The following CELSR3 variants were observed in gnomAD, a reference collection of about 807,000 sequenced individuals.
The protein encoded by CELSR3 is cadherin EGF LAG seven-pass G-type receptor 3, also known as EGF-like protein 1.
A neutral mutation model predicts 270.0 loss-of-function variants in CELSR3; 73 were observed. The ratio of observed to expected loss-of-function variants is 0.27; its 90% CI spans 0.22 to 0.33. The LOEUF is 0.33. CELSR3 is among the 10% of genes least tolerant of loss of function. The pLI, the probability that CELSR3 is intolerant of heterozygous loss-of-function variation, is 1.00. For missense variants in CELSR3, 3,614 were observed against 4,533.8 expected (o/e 0.80, Z 5.83); for synonymous variants, 1,780 against 1,905.4 (o/e 0.93, Z 1.71).
At position 48,656,988 on chromosome 3, in the gene CELSR3, T is replaced by G; in HGVS notation, c.4109A>C (p.Asp1370Ala). 6.2e-7 allele frequency: 1 copy of G among 1,612,910 alleles called. No individual in the cohort carries two copies. Among genetic ancestry groups the G allele is most frequent in the Non-Finnish European group, 8.5e-7 (1 of 1,179,574 alleles). The change falls in exon 2 of 35, where the codon GAC becomes GCC. Residue 1370 changes from aspartate (D) to alanine (A), a missense_variant. Physicochemically the swap from Asp to Ala is moderately radical, Grantham distance 126. Transcript: ENST00000164024. ...CACGTTGTCGTCGAAGGGCAGTACG[T>G]CGAGCAGGGAGCGAGCCGCCAGCGC... ...RAALAARSLL[D>A]VLPFDDNVCL...
In CELSR3 at chr3:48,659,232, G is replaced by A. The variant is rs769110092; in HGVS notation, c.3403C>T (p.Arg1135Cys). Residue 1135 changes from arginine (R) to cysteine (C), a missense_variant, in exon 1 of 35, where the codon CGC (arginine) becomes TGC (cysteine). Transcript: ENST00000164024. The surrounding 1 kb of genome is among the most constrained non-coding windows in gnomAD (Gnocchi z 8.1). The part of the protein sequence containing the change: ...TALIDLDYEA[R>C]QEYVIVVQAT... ...TGCACCACAATCACATATTCTTGGCGAGCCTCATAGTCTAGGTCAATGAGT... is the reference window on the plus strand; with the variant it reads ...TGCACCACAATCACATATTCTTGGCAAGCCTCATAGTCTAGGTCAATGAGT... The A allele has an allele frequency of 1.7e-5, 28 of 1,614,124 alleles. No individual in the cohort carries two copies. The highest frequency in any genetic ancestry group is 5.5e-5 in the South Asian group (5 of 91,066).
chr3:48,659,382 C>G lies in CELSR3; in HGVS notation c.3253G>C (p.Val1085Leu). The G allele has an allele frequency of 6.2e-7, 1 of 1,614,224 alleles. No individual in the cohort carries two copies. The change falls in exon 1 of 35, where the codon GTG (valine) becomes CTG (leucine). Residue 1085 changes from valine to leucine, a missense_variant. Around this residue, in one of 7 missense-constraint regions of CELSR3, gnomAD observed 1,331 missense variants for 1,933.7 expected, o/e 0.69. Coordinates refer to ENST00000164024, the MANE Select transcript of CELSR3 (RefSeq NM_001407.3). The surrounding 1 kb of genome is among the most constrained non-coding windows in gnomAD (Gnocchi z 8.1). ...TCCACTGCAGTGATCTGGGCCACCA[C>G]TGAGCCCACAATGCTATTCTCTTTC... ...RVKENSIVGS[V>L]VAQITAVDPD...
At position 48,650,776 on chromosome 3, in the gene CELSR3, G is replaced by T; in HGVS notation, c.6370+116C>A. ...AAGGTAGGGTTCCCTGGGTGTAAGT[G>T]GTCTCCCTCAGGAGAAGCTTCCAGA... is the stretch of plus-strand genomic sequence containing the variant. On this transcript the variant is annotated intron_variant, in intron 15 of 34. Coordinates refer to ENST00000164024, the MANE Select transcript of CELSR3 (RefSeq NM_001407.3). The surrounding 1 kb of genome is among the most constrained non-coding windows in gnomAD (Gnocchi z 5.1). The T allele has an allele frequency of 8.3e-7, 1 of 1,210,830 alleles. No individual in the cohort carries two copies. Among genetic ancestry groups the T allele is most frequent in the Non-Finnish European group, 1.2e-6 (1 of 868,208 alleles). 75.0% of individuals were successfully genotyped at this position (1,210,830 alleles called of 1,614,324 possible). A position where few individuals can be genotyped will look rare whatever the true frequency, so the allele number is the denominator to read the frequency against.
rs1378676050 is a variant in CELSR3 at position 48,645,598 on chromosome 3, C to A, written c.7642G>T (p.Ala2548Ser). ...LLAVFTHVVV[A>S]VSVAALVLTA... ...AGCACCAGCGCAGCCACAGACACAGCCACGACCACGTGGGTGAACACAGCC... is the reference window on the plus strand; with the variant it reads ...AGCACCAGCGCAGCCACAGACACAGACACGACCACGTGGGTGAACACAGCC... Residue 2548 changes from alanine to serine, a missense_variant, in exon 24 of 35, where the codon GCT (alanine) becomes TCT (serine). Coordinates refer to ENST00000164024, the MANE Select transcript of CELSR3 (RefSeq NM_001407.3). This position sits in a 1 kb window ranked among gnomAD's most constrained non-coding sequence, Gnocchi z 5.4. 1.2e-6 allele frequency: 2 copies of A among 1,612,356 alleles called. No homozygotes were observed. The highest frequency in any genetic ancestry group is 1.7e-6 in the Non-Finnish European group (2 of 1,179,688).
At position 48,655,846 on chromosome 3, in the gene CELSR3, G is replaced by A. The variant is rs1324677724; in HGVS notation, c.4631C>T (p.Ala1544Val). 11 of 1,002,340 alleles carry A rather than the reference G, an allele frequency of 1.1e-5. No homozygotes were observed. Among genetic ancestry groups the A allele is most frequent in the Middle Eastern group, 5.4e-4 (2 of 3,738 alleles). 62.1% of individuals were successfully genotyped at this position (1,002,340 alleles called of 1,614,324 possible). A position where few individuals can be genotyped will look rare whatever the true frequency, so the allele number is the denominator to read the frequency against. ...GAGCAGCCCGCTCTGCTGCACTGTC[G>A]CGAACCTGGGCGGGGTGGGAGGGGG... ...RFHLTLSLSFATVQQSGLLFY... is the reference protein window; with the variant it reads ...RFHLTLSLSFVTVQQSGLLFY... The change falls in exon 4 of 35, where the codon GCG (alanine) becomes GTG (valine). Residue 1544 changes from alanine (A) to valine (V), a missense_variant. By Grantham distance (64) the Ala-to-Val change is moderately conservative. Transcript: ENST00000164024. The surrounding 1 kb of genome is among the most constrained non-coding windows in gnomAD (Gnocchi z 5.8).
At chr3:48,656,414 G>T in intron 2 of CELSR3, 49 bp from the exon 3 acceptor site, 2 of 1,377,814 alleles carry the variant, frequency 1.5e-6, no homozygotes, top group Non-Finnish European at 1.9e-6. Context: ...GCCCGCCCCT[G>T]CTCCGGCCCC....
Position 48,650,855 on chromosome 3 carries a change from A to G in CELSR3, c.6370+37T>C. 6.3e-7 allele frequency: 1 copy of G among 1,595,288 alleles called. No homozygotes were observed. Among genetic ancestry groups the G allele is most frequent in the South Asian group, 1.1e-5 (1 of 88,928 alleles). On this transcript the variant is annotated intron_variant, in intron 15 of 34. Coordinates refer to ENST00000164024, the MANE Select transcript of CELSR3 (RefSeq NM_001407.3). This position sits in a 1 kb window ranked among gnomAD's most constrained non-coding sequence, Gnocchi z 5.1. Reference sequence around the variant, plus strand: ...CACGTGATGGTGGCACACTGGAACCAGCCCTCTATGGGTGGAGCTGGGTGG... The same window carrying G: ...CACGTGATGGTGGCACACTGGAACCGGCCCTCTATGGGTGGAGCTGGGTGG...
In CELSR3 at chr3:48,644,646, G is replaced by A; in HGVS notation, c.8085+70C>T. Reference sequence around the variant, plus strand: ...GAATGCCACCTGACCGCCCTCAGCTGAGTCCACTGCACCTCCTCCCCCAAT... The same window carrying A: ...GAATGCCACCTGACCGCCCTCAGCTAAGTCCACTGCACCTCCTCCCCCAAT... On this transcript the variant is annotated intron_variant, in intron 26 of 34. Transcript: ENST00000164024. This position sits in a 1 kb window ranked among gnomAD's most constrained non-coding sequence, Gnocchi z 4.8. 1 of 1,274,224 alleles carries A rather than the reference G, an allele frequency of 7.8e-7. No homozygotes were observed. The highest frequency in any genetic ancestry group is 2.4e-5 in the East Asian group (1 of 41,548). 78.9% of individuals were successfully genotyped at this position (1,274,224 alleles called of 1,614,324 possible).
At chr3:48,643,123 C>G in intron 28 of CELSR3, 40 bp from the exon 29 acceptor site, 1 of 1,328,472 alleles carries the variant, frequency 7.5e-7, no homozygotes, top group South Asian at 1.2e-5. Flanking sequence ...CGGCAGGGAT[C>G]AATCAGGGAC....
rs1190424338 is a variant in CELSR3, at chr3:48,639,853, G to A, written c.9732C>T (p.Asp3244=). 6.2e-7 allele frequency: 1 copy of A among 1,613,780 alleles called. No individual in the cohort carries two copies. Among genetic ancestry groups the A allele is most frequent in the African/African-American group, 1.3e-5 (1 of 75,070 alleles). The change falls in exon 34 of 35, where the codon GAC becomes GAT. Residue 3244 remains aspartate (D), a synonymous_variant. Coordinates refer to ENST00000164024, the MANE Select transcript of CELSR3 (RefSeq NM_001407.3). This position sits in a 1 kb window ranked among gnomAD's most constrained non-coding sequence, Gnocchi z 4.1. ...PSHGPSTEQL[D]ILSSILASFN... ...AAGAGGCAAGGATGGAGGAAAGAAT[G>A]TCCAACTGTTCTGTGGAGGGGCCAT... is the stretch of plus-strand genomic sequence containing the variant.
chr3:48,647,860 T>C lies in CELSR3; in HGVS notation c.7110A>G (p.Pro2370=). ...TCTCACCTTCAGATGGGGATGGCCG[T>C]GGGGACTGGGAAGGCAGCAGCACAT... is the stretch of plus-strand genomic sequence containing the variant. ...HTHVLLPSQS[P]RPSPSEVLPT... The change falls in exon 20 of 35, where the codon CCA becomes CCG. Residue 2370 remains proline, a synonymous_variant. Coordinates refer to ENST00000164024, the MANE Select transcript of CELSR3 (RefSeq NM_001407.3). The C allele has an allele frequency of 6.2e-7, 1 of 1,610,424 alleles. No individual in the cohort carries two copies. Among genetic ancestry groups the C allele is most frequent in the Admixed American group, 1.7e-5 (1 of 59,942 alleles).
intron 27 of CELSR3, 50 bp from the exon 28 acceptor site, chr3:48,643,727 G>C: frequency 6.5e-7 from 1 of 1,544,080 alleles, no homozygotes; most frequent in South Asian, 1.2e-5. Flanking sequence ...GGCTCATGTA[G>C]GACTCATGCA....
rs1229811752 is a variant in CELSR3 at position 48,653,823 on chromosome 3, G to A, written c.5279-35C>T. ...TAAGAGAAACAGGGTTACAGCCCCT[G>A]CCCCAGGAACAGATCTGACCCTGCA... is the stretch of plus-strand genomic sequence containing the variant. On this transcript the variant is annotated intron_variant, in intron 8 of 34. Transcript: ENST00000164024. The surrounding 1 kb of genome is among the most constrained non-coding windows in gnomAD (Gnocchi z 6.5). The A allele has an allele frequency of 3.7e-6, 6 of 1,612,558 alleles. No individual in the cohort carries two copies. The highest frequency in any genetic ancestry group is 5.1e-6 in the Non-Finnish European group (6 of 1,178,760).
At position 48,646,984 on chromosome 3, in the gene CELSR3, C is replaced by CG; in HGVS notation, c.7130-57_7130-56insC. 1 of 1,443,276 alleles carries CG rather than the reference C, an allele frequency of 6.9e-7. No individual in the cohort carries two copies. The highest frequency in any genetic ancestry group is 1.5e-5 in the African/African-American group (1 of 67,692). 89.4% of individuals were successfully genotyped at this position (1,443,276 alleles called of 1,614,324 possible). A position where few individuals can be genotyped will look rare whatever the true frequency, so the allele number is the denominator to read the frequency against. On this transcript the variant is annotated intron_variant, in intron 20 of 34. Transcript: ENST00000164024. This position sits in a 1 kb window ranked among gnomAD's most constrained non-coding sequence, Gnocchi z 4.8. ...GTGACCTTTGACCCAAAGCACCCAC[C>CG]AACCCAGCTCTGAACCCGATCAAGC...
chr3:48,646,679 G>A lies in CELSR3; in HGVS notation c.7295+84C>T. The A allele has an allele frequency of 4.4e-6, 6 of 1,369,424 alleles. No homozygotes were observed. Among genetic ancestry groups the A allele is most frequent in the Admixed American group, 2.2e-5 (1 of 46,346 alleles). The allele number at this position is 1,369,424 out of a possible 1,614,324, so 84.8% of individuals were successfully genotyped here. A position where few individuals can be genotyped will look rare whatever the true frequency, so the allele number is the denominator to read the frequency against. On this transcript the variant is annotated intron_variant, in intron 21 of 34. Coordinates refer to ENST00000164024, the MANE Select transcript of CELSR3 (RefSeq NM_001407.3). The surrounding 1 kb of genome is among the most constrained non-coding windows in gnomAD (Gnocchi z 4.8). The stretch of plus-strand genomic sequence containing the variant: ...GGAGCTGTGCTCCTCTCTGTGTGTT[G>A]TGAACCTACGCATCTACCCACCAAA...
At position 48,639,266 on chromosome 3, in the gene CELSR3, C is replaced by T. The variant is rs1429429425; in HGVS notation, c.9911+408G>A. Among the ~76,000 whole-genome samples the T allele has an allele frequency of 2.0e-5, 3 of 152,216 alleles. No individual in the cohort carries two copies. The highest frequency in any genetic ancestry group is 4.8e-5 in the African/African-American group (2 of 41,460). ...GGTATATCCTGGCACCACTTCCAGCCTCTCCTTGTCCTATATGACCCCCTA... is the reference window on the plus strand; with the variant it reads ...GGTATATCCTGGCACCACTTCCAGCTTCTCCTTGTCCTATATGACCCCCTA... On this transcript the variant is annotated intron_variant, in intron 34 of 34. Coordinates refer to ENST00000164024, the MANE Select transcript of CELSR3 (RefSeq NM_001407.3). This position sits in a 1 kb window ranked among gnomAD's most constrained non-coding sequence, Gnocchi z 4.1.
In CELSR3 at chr3:48,654,957, G is replaced by C; in HGVS notation, c.4988+87C>G. The C allele has an allele frequency of 6.7e-6, 9 of 1,342,906 alleles. No homozygotes were observed. The highest frequency in any genetic ancestry group is 9.6e-6 in the Non-Finnish European group (9 of 939,872). 83.2% of individuals were successfully genotyped at this position (1,342,906 alleles called of 1,614,324 possible). ...TTTGGGGGAAAGATGGGAGAGTTTGGCAGGATGGGATGAGGAATGGGATGT... is the reference window on the plus strand; with the variant it reads ...TTTGGGGGAAAGATGGGAGAGTTTGCCAGGATGGGATGAGGAATGGGATGT... On this transcript the variant is annotated intron_variant, in intron 6 of 34. Transcript: ENST00000164024. This position sits in a 1 kb window ranked among gnomAD's most constrained non-coding sequence, Gnocchi z 5.4.
rs1295831625 is a variant in CELSR3 at position 48,643,550 on chromosome 3, T to G, written c.8289+4A>C. The G allele has an allele frequency of 8.4e-6, 13 of 1,548,512 alleles. No homozygotes were observed. In the African/African-American group the frequency reaches 1.6e-4, roughly 20 times the overall value. On this transcript the variant is annotated splice_donor_region_variant and intron_variant, in intron 28 of 34. Transcript: ENST00000164024. ...CTGGGGCAAGGGAGGGGCACCAGAG[T>G]CACCTGGAGGCCGCAGAGTCCAGCA...
chr3:48,659,427 C>T lies in CELSR3; in HGVS notation c.3208G>A (p.Glu1070Lys), dbSNP rs1442190126. ...VNDNAPVFPA[E>K]EFEVRVKENS... The stretch of plus-strand genomic sequence containing the variant: ...TCTTTCACCCGCACCTCAAACTCCT[C>T]AGCTGGGAAGACAGGTGCATTGTCG... The change falls in exon 1 of 35, where the codon GAG becomes AAG. Residue 1070 changes from glutamate (E) to lysine (K), a missense_variant. This residue lies in a region of CELSR3 where 1,331 missense variants were observed against 1,933.7 expected (regional missense o/e 0.69). Transcript: ENST00000164024. The surrounding 1 kb of genome is among the most constrained non-coding windows in gnomAD (Gnocchi z 8.1). The T allele has an allele frequency of 1.2e-6, 2 of 1,614,234 alleles. No individual in the cohort carries two copies. Among genetic ancestry groups the T allele is most frequent in the Non-Finnish European group, 1.7e-6 (2 of 1,180,046 alleles).
Sources: gnomAD v4.1 joint callset for allele counts (sites outside exome capture counted in the v4.1 genomes callset) on GRCh38, gnomAD v4.1.1 for gene constraint, gnomAD v4.1.1 regional missense constraint, Gnocchi (gnomAD v3.1) non-coding constraint, MANE v1.5 for transcripts, NCBI Gene and HGNC (gene_info 2026-07-23, HGNC 2026-07-21) for gene names.